Variants in GNAI1 observed in about 807,000 individuals in gnomAD.
GNAI1 encodes the protein guanine nucleotide-binding protein G(i) subunit alpha-1.
GNAI1 carries 11 observed loss-of-function variants against 38.9 expected under a neutral mutation model. That is an observed-to-expected ratio of 0.28 (90% CI 0.18 to 0.47). The LOEUF (loss-of-function observed/expected upper bound fraction) is 0.47. Among genes scored for constraint, GNAI1 ranks in the 20% least tolerant of loss-of-function variants. The probability of loss-of-function intolerance (pLI) is 0.99; values close to 1 mark genes in which losing one functional copy is unlikely to be tolerated. For synonymous variants in GNAI1, 166 were observed against 145.1 expected (o/e 1.14, Z -1.04); for missense variants, 317 against 436.9 (o/e 0.73, Z 2.45).
In GNAI1 at chr7:80,208,006, C is replaced by T. The variant is rs187667971; in HGVS notation, c.591-2963C>T. 7.9e-5 allele frequency among the ~76,000 whole-genome samples: 12 copies of T among 152,006 alleles called. No homozygotes were observed. In the East Asian group the frequency reaches 9.7e-4, roughly 12 times the overall value. On this transcript the variant is annotated intron_variant, in intron 5 of 7. Transcript: ENST00000649796. ...TTTCATTTCTATAGTAGTATAAATG[C>T]GTTATGCATTTGGGAATGCAACATC...
At chr7:80,168,579 G>C (rs1436526059) in intron 1 of GNAI1, among the ~76,000 whole-genome samples, 1 of 152,026 alleles carries the variant, frequency 6.6e-6, no homozygotes, top group African/African-American at 2.4e-5. Context: ...GTAGAGTCAG[G>C]GTTTCACCGT....
intron 1 of GNAI1, among the ~76,000 whole-genome samples, chr7:80,142,958 T>A (rs770336785): frequency 1.1e-4 from 16 of 152,224 alleles, no homozygotes; most frequent in Admixed American, 2.6e-4. Flanking sequence ...GCTGCTTTCT[T>A]AAAATGCATA....
Position 80,135,782 on chromosome 7 carries a change from C to G in GNAI1, c.118+504C>G, listed in dbSNP as rs950913170. ...AATCAGTGCACCTTTTGTGGGGCCT[C>G]TGAGATGGGGCTGAAGCGTCTTTCC... On this transcript the variant is annotated intron_variant, in intron 1 of 7. Transcript: ENST00000649796. 5.1e-6 allele frequency: 5 copies of G among 985,460 alleles called. No individual in the cohort carries two copies. In the African/African-American group the frequency reaches 8.8e-5, roughly 17 times the overall value. The allele number at this position is 985,460 out of a possible 1,614,324, so 61.0% of individuals were successfully genotyped here.
Position 80,152,784 on chromosome 7 carries a change from CGATCTCCT to C in GNAI1, c.118+17517_118+17524del, listed in dbSNP as rs370297621. On this transcript the variant is annotated intron_variant, in intron 1 of 7. Transcript: ENST00000649796. ...TTCACTGTGTTAGCCAGGATGGTCTCGATCTCCTGATCTCCTGACCTCCTGATATGCCC... is the reference window on the plus strand; with the variant it reads ...TTCACTGTGTTAGCCAGGATGGTCTCGATCTCCTGACCTCCTGATATGCCC... Among the ~76,000 whole-genome samples the C allele has an allele frequency of 6.7e-3, 1,023 of 151,860 alleles. 7 individuals are homozygous for C. The highest frequency in any genetic ancestry group is 0.023 in the African/African-American group (968 of 41,432).
intron 1 of GNAI1, among the ~76,000 whole-genome samples, chr7:80,171,020 C>T (rs1477673079): frequency 6.6e-6 from 1 of 152,136 alleles, no homozygotes; most frequent in Non-Finnish European, 1.5e-5. Context: ...ATTCAGTTTA[C>T]AGTTGAGGTT....
chr7:80,163,019 G>A (rs958826141), intron 1 of GNAI1, among the ~76,000 whole-genome samples: 5 of 152,296 alleles, frequency 3.3e-5, no homozygotes, highest in African/African-American at 9.6e-5. Context: ...ATGTGGCCAA[G>A]TACTGATGAT....
At chr7:80,163,930 T>G (rs888735235) in intron 1 of GNAI1, among the ~76,000 whole-genome samples, 5 of 151,682 alleles carry the variant, frequency 3.3e-5, no homozygotes, top group African/African-American at 9.7e-5. Context: ...TGACCTTTTT[T>G]AGTGAATCTA....
In GNAI1 at chr7:80,217,391, C is replaced by T; in HGVS notation, c.963C>T (p.Thr321=). The change falls in exon 8 of 8, where the codon ACC becomes ACT. Residue 321 remains threonine, a synonymous_variant. Transcript: ENST00000649796. ...GAAAGGACACAAAGGAAATATACAC[C>T]CACTTCACATGTGCCACAGATACTA... ...NKRKDTKEIY[T]HFTCATDTKN... 1.2e-6 allele frequency: 2 copies of T among 1,603,156 alleles called. No individual in the cohort carries two copies. The highest frequency in any genetic ancestry group is 1.7e-6 in the Non-Finnish European group (2 of 1,171,820).
At chr7:80,186,574 T>C (rs1455640570) in intron 1 of GNAI1, among the ~76,000 whole-genome samples, 1 of 152,224 alleles carries the variant, frequency 6.6e-6, no homozygotes, top group Non-Finnish European at 1.5e-5. Flanking sequence ...CTATTTCTGA[T>C]TTTCTTCCTT....
chr7:80,209,626 G>T (rs966824078), intron 5 of GNAI1, among the ~76,000 whole-genome samples: 1 of 152,160 alleles, frequency 6.6e-6, no homozygotes, highest in Non-Finnish European at 1.5e-5. Context: ...ATGTGGGCTA[G>T]GGTCATTTGG....
chr7:80,175,484 C>T (rs936883977), intron 1 of GNAI1, among the ~76,000 whole-genome samples: 13 of 151,148 alleles, frequency 8.6e-5, no homozygotes, highest in African/African-American at 2.7e-4. Flanking sequence ...CAAGATAGAC[C>T]GATGGATTTA....
intron 1 of GNAI1, among the ~76,000 whole-genome samples, chr7:80,167,465 T>A (rs1051019059): frequency 6.6e-6 from 1 of 152,234 alleles, no homozygotes; most frequent in African/African-American, 2.4e-5. Flanking sequence ...CCAGACCCGA[T>A]GCTCACTTTT....
At position 80,220,388 on chromosome 7, in the gene GNAI1, C is replaced by T. The variant is rs905245150; in HGVS notation, c.*2895C>T. On this transcript the variant is annotated 3_prime_UTR_variant, in exon 8 of 8. Transcript: ENST00000649796. ...GCACTTTTAAATTTGTTTGTGATAC[C>T]TCTTTTAGACTCCTCTGGCATCTGT... is the stretch of plus-strand genomic sequence containing the variant. 6.6e-6 allele frequency among the ~76,000 whole-genome samples: 1 copy of T among 152,086 alleles called. No homozygotes were observed. Among genetic ancestry groups the T allele is most frequent in the African/African-American group, 2.4e-5 (1 of 41,416 alleles).
chr7:80,192,505 C>T (rs548479785), intron 3 of GNAI1, among the ~76,000 whole-genome samples: 1 of 152,072 alleles, frequency 6.6e-6, no homozygotes, highest in East Asian at 1.9e-4. Context: ...GTTCTTTTTC[C>T]CCACATCTGT....
In GNAI1 at chr7:80,221,040, G is replaced by A. The variant is rs1401150073; in HGVS notation, c.*3547G>A. Reference sequence around the variant, plus strand: ...TTTGCCGTTTGCAGAACCACCTTATGTAAATGAATTTAGTTGATACTGTAA... The same window carrying A: ...TTTGCCGTTTGCAGAACCACCTTATATAAATGAATTTAGTTGATACTGTAA... On this transcript the variant is annotated 3_prime_UTR_variant, in exon 8 of 8. Transcript: ENST00000649796. Among the ~76,000 whole-genome samples the A allele has an allele frequency of 6.6e-6, 1 of 152,138 alleles. No individual in the cohort carries two copies. The highest frequency in any genetic ancestry group is 1.5e-5 in the Non-Finnish European group (1 of 68,040).
At chr7:80,145,695 A>G (rs555492228) in intron 1 of GNAI1, among the ~76,000 whole-genome samples, 1 of 152,200 alleles carries the variant, frequency 6.6e-6, no homozygotes, top group Non-Finnish European at 1.5e-5. Flanking sequence ...CTGAAAAACG[A>G]TTTTTGAAGT....
chr7:80,182,796 G>A (rs1434639125), intron 1 of GNAI1, among the ~76,000 whole-genome samples: 2 of 152,186 alleles, frequency 1.3e-5, no homozygotes, highest in African/African-American at 4.8e-5. Flanking sequence ...TTACATGCAT[G>A]TTCACGTGAC....
At chr7:80,200,209 A>C (rs1009719651) in intron 4 of GNAI1, among the ~76,000 whole-genome samples, 1 of 150,410 alleles carries the variant, frequency 6.6e-6, no homozygotes, top group Non-Finnish European at 1.5e-5. Context: ...GTGTGGTCCC[A>C]GTTACTCAGC....
At chr7:80,174,823 C>T (rs919720106) in intron 1 of GNAI1, among the ~76,000 whole-genome samples, 1 of 152,108 alleles carries the variant, frequency 6.6e-6, no homozygotes, top group African/African-American at 2.4e-5. Flanking sequence ...GGTGCTTTAC[C>T]CCATGTCATT....
Sources: allele counts gnomAD v4.1 joint callset (sites outside exome capture counted in the v4.1 genomes callset), GRCh38; gene constraint gnomAD v4.1.1; transcripts MANE v1.5; gene names NCBI Gene and HGNC (gene_info 2026-07-23, HGNC 2026-07-21).